The following ROBO2 variants were observed in gnomAD, a reference collection of about 807,000 sequenced individuals.
ROBO2 encodes roundabout guidance receptor 2, also known as roundabout homolog 2.
ROBO2 carries 53 observed loss-of-function variants against 160.8 expected under a neutral mutation model. That is an observed-to-expected ratio of 0.33 (90% CI 0.26 to 0.41). ROBO2 has a LOEUF of 0.41. Ranked by LOEUF, ROBO2 falls within the 10% of genes least tolerant of loss-of-function variation. The probability of loss-of-function intolerance (pLI) is 1.00; values close to 1 mark genes in which losing one functional copy is unlikely to be tolerated. For missense variants in ROBO2, 1,577 were observed against 1,722.4 expected, an observed-to-expected ratio of 0.92 and a Z score of 1.49; for synonymous variants, 664 against 611.7, an observed-to-expected ratio of 1.09 and a Z score of -1.26.
intron 2 of ROBO2, among the ~76,000 whole-genome samples, chr3:75,977,535 C>T (rs976341339): frequency 6.6e-6 from 1 of 151,464 alleles, no homozygotes; most frequent in African/African-American, 2.4e-5. Flanking sequence ...ACAAGCAACT[C>T]TTTCTACCAT....
intron 2 of ROBO2, among the ~76,000 whole-genome samples, chr3:77,247,955 G>C (rs1337808802): frequency 2.6e-5 from 4 of 152,184 alleles, no homozygotes; most frequent in African/African-American, 9.6e-5. Flanking sequence ...GTAAGAGCTT[G>C]CATCCCTGTT....
intron 2 of ROBO2, among the ~76,000 whole-genome samples, chr3:77,408,133 A>C (rs1284166020): frequency 6.6e-6 from 1 of 152,100 alleles, no homozygotes; most frequent in Non-Finnish European, 1.5e-5. Flanking sequence ...ACCTTCCATG[A>C]ACTGCATTTA....
chr3:77,535,429 C>T (rs1335129214), intron 6 of ROBO2, among the ~76,000 whole-genome samples: 2 of 152,006 alleles, frequency 1.3e-5, no homozygotes, highest in African/African-American at 4.8e-5. Context: ...CTTACAACTC[C>T]TTCTATCCCA....
chr3:76,315,361 A>G (rs1476268774), intron 2 of ROBO2, among the ~76,000 whole-genome samples: 1 of 152,228 alleles, frequency 6.6e-6, no homozygotes, highest in Non-Finnish European at 1.5e-5. Flanking sequence ...GTTATCTAAT[A>G]TATATCTTTG....
chr3:76,579,849 A>T (rs368881188), intron 2 of ROBO2, among the ~76,000 whole-genome samples: 38 of 152,260 alleles, frequency 2.5e-4, no homozygotes, highest in East Asian at 1.7e-3. Context: ...TAAGATAGAA[A>T]ATACCACCTG....
In ROBO2 at chr3:77,082,246, C is replaced by T. The variant is rs746227119; in HGVS notation, c.62-15768C>T. Among the ~76,000 whole-genome samples, 102 of 152,152 alleles carry T rather than the reference C, an allele frequency of 6.7e-4. 1 individual carries two copies. Among genetic ancestry groups the T allele is most frequent in the Non-Finnish European group, 1.2e-3 (83 of 68,032 alleles). On this transcript the variant is annotated intron_variant, in intron 1 of 25. Coordinates refer to ENST00000461745, the Ensembl canonical transcript of ROBO2. ...TTGCTATTGTGATAGTGATTAAGTG[C>T]CATCTAAAAATAATTTAGTATTCAG... is the stretch of plus-strand genomic sequence containing the variant.
intron 2 of ROBO2, among the ~76,000 whole-genome samples, chr3:76,099,668 A>C (rs1482930839): frequency 1.3e-5 from 2 of 152,224 alleles, no homozygotes; most frequent in Non-Finnish European, 2.9e-5. Flanking sequence ...CCAAAAAAGT[A>C]CATTTTAATT....
intron 2 of ROBO2, among the ~76,000 whole-genome samples, chr3:76,566,506 G>A (rs1310838089): frequency 2.0e-5 from 3 of 152,160 alleles, no homozygotes; most frequent in Non-Finnish European, 2.9e-5. Context: ...AAACTCTCAA[G>A]TCACCCTAAT....
intron 2 of ROBO2, among the ~76,000 whole-genome samples, chr3:77,215,137 G>C (rs1191277099): frequency 6.6e-6 from 1 of 152,136 alleles, no homozygotes; most frequent in Admixed American, 6.5e-5. Flanking sequence ...GCCTTGCTGG[G>C]TTGGGGAAGT....
intron 1 of ROBO2, among the ~76,000 whole-genome samples, chr3:77,052,881 G>A (rs1339210113): frequency 2.0e-5 from 3 of 152,176 alleles, no homozygotes; most frequent in Non-Finnish European, 4.4e-5. Flanking sequence ...TACAGAAGCA[G>A]CTAATGAGAA....
chr3:76,818,672 C>T (rs542706822), intron 2 of ROBO2, among the ~76,000 whole-genome samples: 21 of 152,034 alleles, frequency 1.4e-4, no homozygotes, highest in East Asian at 5.8e-4. Context: ...TTCTTCTCCA[C>T]GTGGCTTGAC....
intron 9 of ROBO2, among the ~76,000 whole-genome samples, chr3:77,561,942 A>G (rs1373085176): frequency 6.6e-6 from 1 of 151,972 alleles, no homozygotes; most frequent in Non-Finnish European, 1.5e-5. Context: ...TGTCTCTACT[A>G]AAAATACAAT....
At chr3:76,097,060 T>TA (rs201631507) in intron 2 of ROBO2, among the ~76,000 whole-genome samples, 2,776 of 151,964 alleles carry the variant, frequency 0.018, 83 homozygotes, top group African/African-American at 0.064. Flanking sequence ...TATCTATGAT[T>TA]AAAAAAAAGT....
At chr3:76,265,423 G>C (rs1281697132) in intron 2 of ROBO2, among the ~76,000 whole-genome samples, 1 of 152,092 alleles carries the variant, frequency 6.6e-6, no homozygotes, top group Non-Finnish European at 1.5e-5. Flanking sequence ...TCACAGGCTT[G>C]AGACATTTAT....
At chr3:75,927,519 A>C (rs1947335639) in intron 1 of ROBO2, among the ~76,000 whole-genome samples, 1 of 152,234 alleles carries the variant, frequency 6.6e-6, no homozygotes, top group African/African-American at 2.4e-5. Context: ...TCTTAACTTT[A>C]AGACTATTGC....
chr3:76,994,063 G>GA (rs145148431), intron 2 of ROBO2, among the ~76,000 whole-genome samples: 4 of 145,228 alleles, frequency 2.8e-5, no homozygotes, highest in Admixed American at 1.4e-4. Context: ...AATTTGGTGA[G>GA]AAAAAAAACA....
chr3:76,085,544 C>G lies in ROBO2; in HGVS notation c.109+147942C>G, dbSNP rs188612839. On this transcript the variant is annotated intron_variant, in intron 2 of 26. Transcript: ENST00000487694. Reference sequence around the variant, plus strand: ...AGCATGTAAAGAGCTTAGCGGTCACCACTTCATTCTAACAACAAGTTAAAA... The same window carrying G: ...AGCATGTAAAGAGCTTAGCGGTCACGACTTCATTCTAACAACAAGTTAAAA... 1.9e-3 allele frequency among the ~76,000 whole-genome samples: 288 copies of G among 152,148 alleles called. 1 individual carries two copies. The highest frequency in any genetic ancestry group is 6.6e-3 in the African/African-American group (275 of 41,504).
chr3:76,928,453 T>C (rs77811270), intron 2 of ROBO2, among the ~76,000 whole-genome samples: 1 of 66,408 alleles, frequency 1.5e-5, no homozygotes, highest in Non-Finnish European at 2.5e-5. Context: ...TTTATGATAA[T>C]TTTTTTTTTT....
chr3:76,050,347 G>A (rs899237632), intron 2 of ROBO2, among the ~76,000 whole-genome samples: 1 of 152,016 alleles, frequency 6.6e-6, no homozygotes, highest in African/African-American at 2.4e-5. Flanking sequence ...GTTTTGCCAG[G>A]GGCTCTCAGG....
Sources: gnomAD v4.1 joint callset for allele counts (sites outside exome capture counted in the v4.1 genomes callset) on GRCh38, gnomAD v4.1.1 for gene constraint, MANE v1.5 for transcripts, NCBI Gene and HGNC (gene_info 2026-07-23, HGNC 2026-07-21) for gene names.